Variants in SV2C observed in about 807,000 individuals in gnomAD.
SV2C encodes solute carrier family 22 member B3.
In SV2C, 49 loss-of-function variants were observed where a neutral mutation model predicts 79.7. The ratio of observed to expected loss-of-function variants is 0.61; its 90% CI spans 0.49 to 0.78. SV2C has a LOEUF of 0.78. Ranked by LOEUF, SV2C falls within the 30% of genes least tolerant of loss-of-function variation. SV2C has a pLI of 0.00. For synonymous variants in SV2C, 334 were observed against 333.2 expected (o/e 1.00, Z -0.03); for missense variants, 833 against 912.9 (o/e 0.91, Z 1.13).
At chr5:76,242,714 G>A (rs1019354499) in intron 4 of SV2C, among the ~76,000 whole-genome samples, 1 of 151,988 alleles carries the variant, frequency 6.6e-6, no homozygotes, top group African/African-American at 2.4e-5. Context: ...GCATAATCTT[G>A]GAGCATTTTG....
chr5:76,264,051 C>T (rs1167231278), intron 4 of SV2C, among the ~76,000 whole-genome samples: 2 of 152,108 alleles, frequency 1.3e-5, no homozygotes, highest in East Asian at 1.9e-4. Context: ...CCCTTCTCCC[C>T]GTCAATGTCA....
chr5:76,132,767 T>G (rs1748946023), intron 2 of SV2C, among the ~76,000 whole-genome samples: 1 of 152,152 alleles, frequency 6.6e-6, no homozygotes, highest in African/African-American at 2.4e-5. Flanking sequence ...ATTTCAAATG[T>G]CAATTTTTAT....
intron 2 of SV2C, among the ~76,000 whole-genome samples, chr5:76,176,277 C>G (rs968067590): frequency 7.9e-5 from 12 of 152,108 alleles, no homozygotes; most frequent in African/African-American, 2.7e-4. Flanking sequence ...AATAGAAAAC[C>G]ATGGTAGTGA....
the SV2C span, among the ~76,000 whole-genome samples, chr5:75,991,537 C>T: frequency 6.8e-6 from 1 of 147,210 alleles, no homozygotes; most frequent in Non-Finnish European, 1.5e-5. Flanking sequence ...AATTATATAC[C>T]TTGTATGATT....
intron 4 of SV2C, among the ~76,000 whole-genome samples, chr5:76,224,442 C>A (rs1392868070): frequency 6.6e-6 from 1 of 152,164 alleles, no homozygotes; most frequent in Non-Finnish European, 1.5e-5. Flanking sequence ...CTAATTAGAT[C>A]CTTTATCAAA....
chr5:76,289,572 A>C (rs1432450613), intron 6 of SV2C, among the ~76,000 whole-genome samples: 2 of 152,202 alleles, frequency 1.3e-5, no homozygotes, highest in Non-Finnish European at 2.9e-5. Flanking sequence ...TCTTTGGTAC[A>C]TCTAAGAAAC....
the SV2C span, among the ~76,000 whole-genome samples, chr5:75,888,331 T>TTTAAA: frequency 1.3e-5 from 2 of 148,446 alleles, no homozygotes; most frequent in African/African-American, 4.9e-5. Flanking sequence ...CCTTGCTTTT[T>TTTAAA]AAAAAAAAAA....
the SV2C span, among the ~76,000 whole-genome samples, chr5:75,912,675 G>A: frequency 6.6e-6 from 1 of 152,072 alleles, no homozygotes; most frequent in African/African-American, 2.4e-5. Flanking sequence ...CTTGATATGA[G>A]GGTGGGGGCC....
At chr5:76,097,905 C>T (rs956530605) in intron 1 of SV2C, among the ~76,000 whole-genome samples, 1 of 151,744 alleles carries the variant, frequency 6.6e-6, no homozygotes, top group African/African-American at 2.4e-5. Context: ...CTGGGCCTAC[C>T]TACAGAGATG....
chr5:75,976,365 G>A, the SV2C span, among the ~76,000 whole-genome samples: 3 of 152,150 alleles, frequency 2.0e-5, no homozygotes, highest in Non-Finnish European at 4.4e-5. Flanking sequence ...TACAGAGAAA[G>A]ACCTATAGTT....
At chr5:76,015,395 T>TG in the SV2C span, among the ~76,000 whole-genome samples, 1 of 152,178 alleles carries the variant, frequency 6.6e-6, no homozygotes, top group South Asian at 2.1e-4. Flanking sequence ...GTCTGATAGA[T>TG]GCACTTTGTT....
intron 12 of SV2C, among the ~76,000 whole-genome samples, chr5:76,344,726 T>G (rs1482055526): frequency 6.6e-6 from 1 of 152,150 alleles, no homozygotes; most frequent in Non-Finnish European, 1.5e-5. Flanking sequence ...AATAAATAAA[T>G]AATTTTTAAA....
chr5:75,943,417 G>C, the SV2C span, among the ~76,000 whole-genome samples: 1 of 152,124 alleles, frequency 6.6e-6, no homozygotes, highest in Non-Finnish European at 1.5e-5. Context: ...CTGCTTTTCT[G>C]TGCCTTTTGC....
intron 1 of SV2C, among the ~76,000 whole-genome samples, chr5:76,111,802 TCTC>T (rs1360705820): frequency 6.6e-6 from 1 of 152,226 alleles, no homozygotes; most frequent in Non-Finnish European, 1.5e-5. Context: ...TCTTGAAACT[TCTC>T]CTGTTGGCAA....
chr5:76,035,808 T>C, the SV2C span, among the ~76,000 whole-genome samples: 3 of 152,080 alleles, frequency 2.0e-5, no homozygotes, highest in Non-Finnish European at 4.4e-5. Context: ...CCTTGTTGAC[T>C]TTCTGTCTCG....
the SV2C span, among the ~76,000 whole-genome samples, chr5:75,855,977 A>G: frequency 6.6e-6 from 1 of 151,976 alleles, no homozygotes; most frequent in African/African-American, 2.4e-5. Flanking sequence ...AGATCATTGT[A>G]CTCTCTATCT....
intron 2 of SV2C, among the ~76,000 whole-genome samples, chr5:76,190,826 C>G (rs1368303945): frequency 6.6e-6 from 1 of 152,158 alleles, no homozygotes; most frequent in African/African-American, 2.4e-5. Context: ...TAATGTCAGT[C>G]CATATTATTC....
intron 12 of SV2C, among the ~76,000 whole-genome samples, chr5:76,318,203 A>G (rs1262473043): frequency 6.6e-6 from 1 of 152,170 alleles, no homozygotes; most frequent in African/African-American, 2.4e-5. Context: ...GCAGATCATG[A>G]GGTCAGGAGT....
At chr5:75,910,801 C>A in the SV2C span, 2 of 1,334,708 alleles carry the variant, frequency 1.5e-6, no homozygotes, top group South Asian at 2.3e-5. Context: ...ATGTGACCAT[C>A]TTCCAAAACA....
Sources: gnomAD v4.1 joint callset for allele counts (sites outside exome capture counted in the v4.1 genomes callset) on GRCh38, gnomAD v4.1.1 for gene constraint, MANE v1.5 for transcripts, NCBI Gene and HGNC (gene_info 2026-07-23, HGNC 2026-07-21) for gene names.